PCMT1: variants seen among roughly 807,000 people sequenced by gnomAD.
The protein encoded by PCMT1 is protein-L-isoaspartate (D-aspartate) O-methyltransferase.
A neutral mutation model predicts 29.2 loss-of-function variants in PCMT1; 9 were observed. That is an observed-to-expected ratio of 0.31 (90% CI 0.19 to 0.54). PCMT1 has a LOEUF of 0.54. Ranked by LOEUF, PCMT1 falls within the 20% of genes least tolerant of loss-of-function variation. PCMT1 has a pLI of 0.95. For synonymous variants in PCMT1, 98 were observed against 97.5 expected, an observed-to-expected ratio of 1.00 and a Z score of -0.03; for missense variants, 184 against 282.2, an observed-to-expected ratio of 0.65 and a Z score of 2.49.
rs1336256331 is a variant in PCMT1, at chr6:149,763,063, ATATATC to A, written c.56-8095_56-8090del. ...TCTATGATATGTATATCTATGATAT[ATATATC>A]TATGATATGTATATCTATGATATAT... On this transcript the variant is annotated intron_variant, in intron 1 of 7. Transcript: ENST00000464889. Among the ~76,000 whole-genome samples the A allele has an allele frequency of 1.2e-3, 81 of 66,644 alleles. 18 individuals carry two copies. Among genetic ancestry groups the A allele is most frequent in the Admixed American group, 1.5e-3 (6 of 4,104 alleles). 43.7% of individuals were successfully genotyped at this position (66,644 alleles called of 152,430 possible). A position where few individuals can be genotyped will look rare whatever the true frequency, so the allele number is the denominator to read the frequency against.
Position 149,749,773 on chromosome 6 carries a change from A to G in PCMT1, c.-129A>G, listed in dbSNP as rs1468715866. ...CGGCAGCGGCGGCGACGGCAGTAAC[A>G]GCGGCAGCTACAGCGGGGACGCGAG... On this transcript the variant is annotated 5_prime_UTR_variant, in exon 1 of 8. Coordinates refer to ENST00000464889, the MANE Select transcript of PCMT1 (RefSeq NM_001360452.2). 1.9e-6 allele frequency: 3 copies of G among 1,549,202 alleles called. No individual in the cohort carries two copies. Among genetic ancestry groups the G allele is most frequent in the Non-Finnish European group, 2.6e-6 (3 of 1,145,912 alleles).
intron 3 of PCMT1, among the ~76,000 whole-genome samples, chr6:149,781,600 C>T (rs1202516495): frequency 6.6e-6 from 1 of 152,188 alleles, no homozygotes; most frequent in African/African-American, 2.4e-5. Flanking sequence ...AAGCAATCCT[C>T]CTGCCTGTGC....
At chr6:149,781,426 C>T (rs1787810360) in intron 3 of PCMT1, among the ~76,000 whole-genome samples, 1 of 151,972 alleles carries the variant, frequency 6.6e-6, no homozygotes, top group African/African-American at 2.4e-5. Context: ...AAGGTTTCAC[C>T]GTGTTGGCCA....
In PCMT1 at chr6:149,786,299, C is replaced by T. The variant is rs1411972782; in HGVS notation, c.193-3655C>T. ...CCCCCCACCTCCCTCCAGGACGGGG[C>T]GGCTGGCCGGGCGGGGGCTGACCCC... On this transcript the variant is annotated intron_variant, in intron 3 of 7. Coordinates refer to ENST00000464889, the MANE Select transcript of PCMT1 (RefSeq NM_001360452.2). 4.4e-4 allele frequency among the ~76,000 whole-genome samples: 6 copies of T among 13,722 alleles called. 1 individual carries two copies. The highest frequency in any genetic ancestry group is 0.05 in the Middle Eastern group (1 of 20). 9.0% of individuals were successfully genotyped at this position (13,722 alleles called of 152,430 possible).
At chr6:149,801,275 T>G (rs893834326) in intron 6 of PCMT1, among the ~76,000 whole-genome samples, 1 of 152,208 alleles carries the variant, frequency 6.6e-6, no homozygotes, top group African/African-American at 2.4e-5. Context: ...TTGTATAATA[T>G]TTCAAATAAT....
intron 3 of PCMT1, among the ~76,000 whole-genome samples, chr6:149,788,662 T>G (rs1188927131): frequency 6.6e-6 from 1 of 152,242 alleles, no homozygotes; most frequent in African/African-American, 2.4e-5. Context: ...ATCATCTGAT[T>G]AAGGTAGTGT....
Position 149,788,313 on chromosome 6 carries a change from TATAG to T in PCMT1, c.193-1639_193-1636del, listed in dbSNP as rs1788211897. Among the ~76,000 whole-genome samples the T allele has an allele frequency of 2.6e-5, 4 of 152,330 alleles. No homozygotes were observed. The South Asian group carries it at 8.3e-4, about 32-fold the overall frequency. On this transcript the variant is annotated intron_variant, in intron 3 of 7. Coordinates refer to ENST00000464889, the MANE Select transcript of PCMT1 (RefSeq NM_001360452.2). ...ATTGATATAACACTATTAGCCAATTTATAGACCTTATTCAGATTTCATCAATTAT... is the reference window on the plus strand; with the variant it reads ...ATTGATATAACACTATTAGCCAATTTACCTTATTCAGATTTCATCAATTAT...
At chr6:149,795,948 A>G (rs1788594061) in intron 5 of PCMT1, among the ~76,000 whole-genome samples, 1 of 152,098 alleles carries the variant, frequency 6.6e-6, no homozygotes, top group Non-Finnish European at 1.5e-5. Flanking sequence ...ACGTGCAGGG[A>G]GTGTGAACGT....
At chr6:149,751,881 A>T (rs1051991750) in intron 1 of PCMT1, among the ~76,000 whole-genome samples, 1 of 142,510 alleles carries the variant, frequency 7.0e-6, no homozygotes, top group African/African-American at 2.6e-5. Flanking sequence ...AATGTTGATT[A>T]TTTTTTTTTT....
intron 7 of PCMT1, among the ~76,000 whole-genome samples, chr6:149,806,279 C>T (rs779362408): frequency 5.3e-5 from 8 of 152,030 alleles, no homozygotes; most frequent in South Asian, 2.1e-4. Flanking sequence ...TTCAGACTCG[C>T]GGTAGGGAGC....
intron 7 of PCMT1, among the ~76,000 whole-genome samples, chr6:149,805,093 C>A (rs577714506): frequency 3.3e-5 from 5 of 152,164 alleles, no homozygotes; most frequent in African/African-American, 1.2e-4. Context: ...AATTTAAGAA[C>A]TAGCCAGGCG....
rs1014444748 is a variant in PCMT1 at position 149,755,426 on chromosome 6, C to CA, written c.55+5483dup. On this transcript the variant is annotated intron_variant, in intron 1 of 7. Transcript: ENST00000464889. ...TGGGTGATGGAGCAATACTTTGTCT[C>CA]AAAAAAAAAAAAATGTTGAGTATCT... Among the ~76,000 whole-genome samples, 933 of 135,778 alleles carry CA rather than the reference C, an allele frequency of 6.9e-3. 10 individuals carry two copies. The highest frequency in any genetic ancestry group is 0.019 in the African/African-American group (711 of 37,032). 89.1% of individuals were successfully genotyped at this position (135,778 alleles called of 152,430 possible).
intron 4 of PCMT1, 88 bp from the exon 5 acceptor site, chr6:149,793,459 AAT>A (rs1788464004): frequency 8.4e-7 from 1 of 1,195,110 alleles, no homozygotes; most frequent in African/African-American, 1.6e-5. Flanking sequence ...CTCTTTGTAG[AAT>A]ATGACTTTCG....
At chr6:149,790,651 G>C (rs1788328297) in intron 4 of PCMT1, among the ~76,000 whole-genome samples, 1 of 151,996 alleles carries the variant, frequency 6.6e-6, no homozygotes, top group African/African-American at 2.4e-5. Context: ...ATGTGGCTGG[G>C]GGAGACAGAG....
At chr6:149,802,546 T>C (rs1775869906) in intron 7 of PCMT1, 130 bp downstream of exon 7, 2 of 1,257,138 alleles carry the variant, frequency 1.6e-6, no homozygotes, top group South Asian at 6.5e-5. Flanking sequence ...GGTCTGCCCT[T>C]ATTTTGGTTT....
intron 1 of PCMT1, among the ~76,000 whole-genome samples, chr6:149,761,958 C>T (rs1311345921): frequency 6.6e-6 from 1 of 152,132 alleles, no homozygotes; most frequent in Admixed American, 6.5e-5. Context: ...CCCTTTGTTT[C>T]CTATATTACA....
At chr6:149,750,016 C>T (rs2115182273) in intron 1 of PCMT1, 60 bp downstream of exon 1, 1 of 1,538,820 alleles carries the variant, frequency 6.5e-7, no homozygotes, top group Non-Finnish European at 8.8e-7. Context: ...GGACCGGGTC[C>T]CCCTGGGCCG....
intron 3 of PCMT1, among the ~76,000 whole-genome samples, chr6:149,776,249 T>G (rs1220115255): frequency 1.2e-5 from 1 of 81,228 alleles, no homozygotes; most frequent in Non-Finnish European, 2.1e-5. Context: ...TTCACGTATT[T>G]AAATTTTTTT....
chr6:149,790,866 A>G (rs1290927571), intron 4 of PCMT1, among the ~76,000 whole-genome samples: 1 of 152,104 alleles, frequency 6.6e-6, no homozygotes, highest in Non-Finnish European at 1.5e-5. Flanking sequence ...AAAATTAGCC[A>G]GGCATGGTGG....
Sources: allele counts gnomAD v4.1 joint callset (sites outside exome capture counted in the v4.1 genomes callset), GRCh38; gene constraint gnomAD v4.1.1; transcripts MANE v1.5; gene names NCBI Gene and HGNC (gene_info 2026-07-23, HGNC 2026-07-21).